ATP2C2: variants seen among roughly 807,000 people sequenced by gnomAD.
ATP2C2 encodes calcium-transporting ATPase type 2C member 2.
Under a neutral mutation model 110.8 loss-of-function variants are expected in ATP2C2, and 171 were observed. The observed-to-expected ratio is 1.54, with a 90% CI of 1.36 to 1.75. ATP2C2 has a LOEUF of 1.75. Ranked by LOEUF, ATP2C2 falls within the 40% of genes most tolerant of loss-of-function variation. ATP2C2 has a pLI of 0.00. For missense variants in ATP2C2, 1,963 were observed against 1,235.0 expected, an observed-to-expected ratio of 1.59 and a Z score of -8.84; for synonymous variants, 804 against 508.4, an observed-to-expected ratio of 1.58 and a Z score of -7.82.
intron 15 of ATP2C2, among the ~76,000 whole-genome samples, chr16:84,443,010 C>T (rs1397199962): frequency 1.3e-5 from 2 of 152,120 alleles, no homozygotes; most frequent in Admixed American, 6.5e-5. Flanking sequence ...AGACCCTGAG[C>T]TCTGTGGCTG....
Position 84,453,246 on chromosome 16 carries a change from G to C in ATP2C2, c.1929+11G>C. 1 of 1,614,064 alleles carries C rather than the reference G, an allele frequency of 6.2e-7. No homozygotes were observed. The highest frequency in any genetic ancestry group is 8.5e-7 in the Non-Finnish European group (1 of 1,179,950). ...GACCGCGTGGGGAAGGTGGGTCCCC[G>C]GAGGCTTGGCTGGCAGTGGGGCTGG... On this transcript the variant is annotated intron_variant, in intron 19 of 26. Coordinates refer to ENST00000262429, the MANE Select transcript of ATP2C2 (RefSeq NM_014861.4).
rs200445915 is a variant in ATP2C2 at position 84,453,166 on chromosome 16, G to A, written c.1860G>A (p.Lys620=). The A allele has an allele frequency of 2.5e-6, 4 of 1,613,646 alleles. No homozygotes were observed. In the African/African-American group the frequency reaches 5.3e-5, roughly 22 times the overall value. The change falls in exon 19 of 27, where the codon AAG becomes AAA. Residue 620 remains lysine, a synonymous_variant. Transcript: ENST00000262429. ...IGRNIGLCNG[K]LQAMSGEEVD... ...GAAACATCGGCCTGTGCAACGGGAA[G>A]CTGCAAGCCATGTCCGGGGAGGAGG...
Position 84,408,563 on chromosome 16 carries a change from T to C in ATP2C2, c.417+69T>C, listed in dbSNP as rs140110968. 1,002 of 1,285,510 alleles carry C rather than the reference T, an allele frequency of 7.8e-4. 15 individuals are homozygous for C. In the African/African-American group the frequency reaches 0.013, roughly 17 times the overall value. The allele number at this position is 1,285,510 out of a possible 1,614,324, so 79.6% of individuals were successfully genotyped here. On this transcript the variant is annotated intron_variant, in intron 4 of 26. Coordinates refer to ENST00000262429, the MANE Select transcript of ATP2C2 (RefSeq NM_014861.4). ...GGTCTGCTGAGTCTCTGCTTGTTAT[T>C]GTATATAAAGAAAAAAAAGAGTTTG...
At chr16:84,462,799 G>C (rs1213391754) in intron 26 of ATP2C2, 1 of 153,084 alleles carries the variant, frequency 6.5e-6, no homozygotes, top group South Asian at 2.1e-4. Flanking sequence ...GGAGGCCAGT[G>C]AGGCAGCCCC....
chr16:84,374,939 A>G (rs927419389), intron 1 of ATP2C2, among the ~76,000 whole-genome samples: 1 of 152,210 alleles, frequency 6.6e-6, no homozygotes, highest in Non-Finnish European at 1.5e-5. Context: ...TTCAAAAATC[A>G]TATAGAGTAT....
intron 13 of ATP2C2, among the ~76,000 whole-genome samples, chr16:84,439,982 G>A (rs72806622): frequency 1.4e-3 from 215 of 152,278 alleles, no homozygotes; most frequent in Middle Eastern, 0.01. Flanking sequence ...CTACAGGCAT[G>A]CCCTAATACG....
chr16:84,387,448 G>GT (rs1904380510), intron 1 of ATP2C2, among the ~76,000 whole-genome samples: 1 of 152,130 alleles, frequency 6.6e-6, no homozygotes, highest in Admixed American at 6.5e-5. Context: ...GGAGGCGGAG[G>GT]TTGCAGTGAG....
At chr16:84,421,672 G>A (rs533693705) in intron 7 of ATP2C2, among the ~76,000 whole-genome samples, 1 of 152,286 alleles carries the variant, frequency 6.6e-6, no homozygotes, top group Admixed American at 6.5e-5. Flanking sequence ...TTGCAAGATG[G>A]TTAAGAGTAT....
chr16:84,377,485 G>C (rs373520060), intron 1 of ATP2C2, among the ~76,000 whole-genome samples: 1 of 152,068 alleles, frequency 6.6e-6, no homozygotes, highest in Non-Finnish European at 1.5e-5. Flanking sequence ...TGCCAGCAGG[G>C]TTGGTTCCTC....
Position 84,422,411 on chromosome 16 carries a change from G to A in ATP2C2, c.646G>A (p.Glu216Lys), listed in dbSNP as rs1436348642. Residue 216 changes from glutamate (E) to lysine (K), a missense_variant, in exon 8 of 27, where the codon GAA becomes AAA. Physicochemically the swap from Glu to Lys is moderately conservative, Grantham distance 56. Transcript: ENST00000262429. ...LTEVTDLLVDESSFTGEAEPC... is the reference protein window; with the variant it reads ...LTEVTDLLVDKSSFTGEAEPC... ...CTAGGTCACGGACCTCTTGGTGGAT[G>A]AATCCAGTTTCACCGGGGAAGCCGA... 2.2e-5 allele frequency: 36 copies of A among 1,613,998 alleles called. No individual in the cohort carries two copies. Among genetic ancestry groups the A allele is most frequent in the Non-Finnish European group, 2.8e-5 (33 of 1,180,006 alleles).
At chr16:84,372,848 C>T (rs139289096) in intron 1 of ATP2C2, among the ~76,000 whole-genome samples, 26 of 152,032 alleles carry the variant, frequency 1.7e-4, no homozygotes, top group African/African-American at 3.1e-4. Flanking sequence ...AGGCCTGTTG[C>T]GGTGACTCAC....
intron 23 of ATP2C2, chr16:84,459,670 TCCAGTCA>T (rs1911077907): frequency 4.6e-6 from 6 of 1,296,864 alleles, no homozygotes; most frequent in Admixed American, 4.1e-5. Flanking sequence ...CATGCTTCAT[TCCAGTCA>T]CCAGTCACTG....
chr16:84,455,707 G>C (rs1232521733), intron 21 of ATP2C2, among the ~76,000 whole-genome samples: 1 of 151,106 alleles, frequency 6.6e-6, no homozygotes, highest in Non-Finnish European at 1.5e-5. Context: ...CTTTACAAAG[G>C]TGTCTCCACA....
intron 11 of ATP2C2, 143 bp from the exon 12 acceptor site, chr16:84,439,023 T>G: frequency 7.8e-7 from 1 of 1,283,792 alleles, no homozygotes; most frequent in Non-Finnish European, 1.1e-6. Context: ...CAGGTGCACC[T>G]TAGGATTGGG....
In ATP2C2 at chr16:84,454,846, C is replaced by T. The variant is rs1472759489; in HGVS notation, c.2009C>T (p.Ala670Val). 1 of 1,612,212 alleles carries T rather than the reference C, an allele frequency of 6.2e-7. No homozygotes were observed. The highest frequency in any genetic ancestry group is 8.5e-7 in the Non-Finnish European group (1 of 1,179,182). The change falls in exon 21 of 27, where the codon GCC (alanine) becomes GTC (valine). Residue 670 changes from alanine to valine, a missense_variant. Ala to Val is a moderately conservative substitution (Grantham distance 64, BLOSUM62 0). Coordinates refer to ENST00000262429, the MANE Select transcript of ATP2C2 (RefSeq NM_014861.4). ...CTGCAGGAGTCAGGGGCGATCGTGGCCATGACTGGGGATGGGGTGAACGAC... is the reference window on the plus strand; with the variant it reads ...CTGCAGGAGTCAGGGGCGATCGTGGTCATGACTGGGGATGGGGTGAACGAC... ...KALQESGAIV[A>V]MTGDGVNDAV...
At position 84,420,034 on chromosome 16, in the gene ATP2C2, C is replaced by T. The variant is rs541272775; in HGVS notation, c.625-2356C>T. 5.9e-5 allele frequency among the ~76,000 whole-genome samples: 9 copies of T among 152,268 alleles called. No individual in the cohort carries two copies. The East Asian group carries it at 9.7e-4, about 16-fold the overall frequency. ...CTGACCAAAAAGCCTGATAAGTTTT[C>T]GCTTTCAACTGCCATGGGGGCACCT... On this transcript the variant is annotated intron_variant, in intron 7 of 26. Transcript: ENST00000262429.
rs116111485 is a variant in ATP2C2 at position 84,416,867 on chromosome 16, A to G, written c.624+1276A>G. 9.2e-3 allele frequency among the ~76,000 whole-genome samples: 1,408 copies of G among 152,224 alleles called. 25 individuals are homozygous for G. The highest frequency in any genetic ancestry group is 0.031 in the African/African-American group (1,299 of 41,538). On this transcript the variant is annotated intron_variant, in intron 7 of 26. Transcript: ENST00000262429. ...CTGTGGCCAATCCCCGCCTACAAGG[A>G]GGACTGGGGAAGCTGGGCTCACATT...
At chr16:84,412,014 T>G (rs1906353723) in intron 6 of ATP2C2, among the ~76,000 whole-genome samples, 1 of 144,150 alleles carries the variant, frequency 6.9e-6, no homozygotes, top group Non-Finnish European at 1.5e-5. Flanking sequence ...TTTCTTTTTG[T>G]TGTTGTTGTT....
chr16:84,447,117 T>A (rs1048918757), intron 16 of ATP2C2, among the ~76,000 whole-genome samples: 1 of 152,202 alleles, frequency 6.6e-6, no homozygotes, highest in South Asian at 2.1e-4. Flanking sequence ...AAAGTTTTTG[T>A]TGCCTTCTAC....
Sources: gnomAD v4.1 joint callset for allele counts (sites outside exome capture counted in the v4.1 genomes callset) on GRCh38, gnomAD v4.1.1 for gene constraint, MANE v1.5 for transcripts, NCBI Gene and HGNC (gene_info 2026-07-23, HGNC 2026-07-21) for gene names.